Variants in TLL1 observed in about 807,000 individuals in gnomAD.
TLL1 encodes the protein tolloid like 1.
Under a neutral mutation model 128.2 loss-of-function variants are expected in TLL1, and 49 were observed. The observed-to-expected ratio is 0.38, with a 90% CI of 0.30 to 0.48. TLL1 has a LOEUF of 0.48. Among genes scored for constraint, TLL1 ranks in the 20% least tolerant of loss-of-function variants. TLL1 has a pLI of 0.96. For synonymous variants in TLL1, 454 were observed against 418.8 expected, an observed-to-expected ratio of 1.08 and a Z score of -1.03; for missense variants, 1,123 against 1,242.0, an observed-to-expected ratio of 0.90 and a Z score of 1.44.
chr4:165,873,817 A>G lies in TLL1; in HGVS notation c.-88A>G. ...GGAGCCTCCGGGTGGGGAGAAGAGC[A>G]CCGGTGCCCCTAGCCCCGCACATCA... is the stretch of plus-strand genomic sequence containing the variant. On this transcript the variant is annotated 5_prime_UTR_variant, in exon 1 of 21. Coordinates refer to ENST00000061240, the MANE Select transcript of TLL1 (RefSeq NM_012464.5). The G allele has an allele frequency of 6.7e-7, 1 of 1,498,458 alleles. No individual in the cohort carries two copies. The highest frequency in any genetic ancestry group is 1.7e-5 in the Admixed American group (1 of 58,388). 92.8% of individuals were successfully genotyped at this position (1,498,458 alleles called of 1,614,324 possible). A position where few individuals can be genotyped will look rare whatever the true frequency, so the allele number is the denominator to read the frequency against.
At chr4:166,031,787 T>C (rs931357172) in intron 9 of TLL1, among the ~76,000 whole-genome samples, 6 of 152,258 alleles carry the variant, frequency 3.9e-5, no homozygotes, top group African/African-American at 1.4e-4. Context: ...AAATACTGAA[T>C]GAATTAGAAT....
rs557198871 is a variant in TLL1, at chr4:166,013,325, A to T, written c.918-1111A>T. 1.6e-4 allele frequency among the ~76,000 whole-genome samples: 24 copies of T among 151,894 alleles called. No individual in the cohort carries two copies. The South Asian group carries it at 4.8e-3, about 30-fold the overall frequency. On this transcript the variant is annotated intron_variant, in intron 7 of 20. Transcript: ENST00000061240. ...GAATATTAGAATCATAAAGGAAGGAATTTCTGTTTGTTTTATTTACTGCTA... is the reference window on the plus strand; with the variant it reads ...GAATATTAGAATCATAAAGGAAGGATTTTCTGTTTGTTTTATTTACTGCTA...
chr4:166,059,465 A>G lies in TLL1; in HGVS notation c.1847-563A>G, dbSNP rs1400604334. Among the ~76,000 whole-genome samples, 4 of 152,158 alleles carry G rather than the reference A, an allele frequency of 2.6e-5. No homozygotes were observed. In the East Asian group the frequency reaches 7.7e-4, roughly 29 times the overall value. On this transcript the variant is annotated intron_variant, in intron 14 of 20. Transcript: ENST00000061240. ...CAGTATTTAAATTGGACTTTTTGGA[A>G]TAACAAATATGCTCTATTTACCATA...
intron 8 of TLL1, among the ~76,000 whole-genome samples, chr4:166,019,499 G>T (rs1438493363): frequency 1.3e-5 from 2 of 152,128 alleles, no homozygotes; most frequent in African/African-American, 4.8e-5. Context: ...TTTAATGCCA[G>T]CTTTTTTTTC....
At chr4:166,014,313 A>T in intron 7 of TLL1, 123 bp from the exon 8 acceptor site, 2 of 1,439,784 alleles carry the variant, frequency 1.4e-6, no homozygotes, top group Non-Finnish European at 1.9e-6. Flanking sequence ...ACACTGCTTA[A>T]AGCACACAAG....
chr4:165,889,102 A>G (rs1692115276), intron 1 of TLL1, among the ~76,000 whole-genome samples: 2 of 152,224 alleles, frequency 1.3e-5, no homozygotes, highest in Admixed American at 6.5e-5. Context: ...TTATGCAGGA[A>G]GCTCAGCGCC....
intron 1 of TLL1, among the ~76,000 whole-genome samples, chr4:165,931,955 G>A (rs1733547721): frequency 6.6e-6 from 1 of 152,160 alleles, no homozygotes; most frequent in African/African-American, 2.4e-5. Flanking sequence ...TCAGAATTTG[G>A]TTGTGAGTAG....
chr4:166,074,011 T>C (rs1421013647), intron 16 of TLL1, among the ~76,000 whole-genome samples: 1 of 152,078 alleles, frequency 6.6e-6, no homozygotes, highest in Admixed American at 6.6e-5. Flanking sequence ...TTGACGTTAA[T>C]GGACAGGCCA....
At chr4:165,992,311 A>C (rs938609263) in intron 2 of TLL1, among the ~76,000 whole-genome samples, 1 of 152,092 alleles carries the variant, frequency 6.6e-6, no homozygotes, top group Non-Finnish European at 1.5e-5. Context: ...TTAAAATGTG[A>C]TATGCTTTAA....
intron 18 of TLL1, among the ~76,000 whole-genome samples, chr4:166,080,477 G>A (rs771106307): frequency 3.3e-5 from 5 of 152,020 alleles, no homozygotes; most frequent in African/African-American, 9.7e-5. Flanking sequence ...TGTTAAATTC[G>A]TAGTTCCTTT....
chr4:166,058,814 C>T (rs185038225), intron 14 of TLL1, among the ~76,000 whole-genome samples: 33 of 152,232 alleles, frequency 2.2e-4, no homozygotes, highest in African/African-American at 7.7e-4. Flanking sequence ...CACCTGTTCT[C>T]TACTGTACCT....
intron 1 of TLL1, among the ~76,000 whole-genome samples, chr4:165,976,034 C>CAAAAA (rs1169297533): frequency 0.067 from 4,774 of 71,768 alleles, 713 homozygotes; most frequent in Non-Finnish European, 0.085. Context: ...GATTCCATCT[C>CAAAAA]AAAAAAAAAA....
chr4:166,044,161 T>C (rs547200197), intron 12 of TLL1, among the ~76,000 whole-genome samples: 1 of 152,004 alleles, frequency 6.6e-6, no homozygotes, highest in Non-Finnish European at 1.5e-5. Flanking sequence ...AGAAGAACAA[T>C]GAGATGCAGG....
chr4:165,946,499 AT>A (rs59178153), intron 1 of TLL1, among the ~76,000 whole-genome samples: 4,808 of 128,962 alleles, frequency 0.037, 156 homozygotes, highest in African/African-American at 0.11. Context: ...TACCCAGCTA[AT>A]TTTTTTTTTT....
chr4:166,035,062 C>T (rs190277444), intron 9 of TLL1, among the ~76,000 whole-genome samples: 1 of 152,300 alleles, frequency 6.6e-6, no homozygotes, highest in African/African-American at 2.4e-5. Context: ...CTTCTTAATA[C>T]TATCACTTTG....
chr4:165,946,487 C>T (rs529069369), intron 1 of TLL1, among the ~76,000 whole-genome samples: 2 of 150,742 alleles, frequency 1.3e-5, no homozygotes, highest in East Asian at 3.9e-4. Flanking sequence ...CACATGGCAG[C>T]ATACCCAGCT....
chr4:166,041,453 A>G (rs1018203010), intron 10 of TLL1, among the ~76,000 whole-genome samples: 2 of 151,976 alleles, frequency 1.3e-5, no homozygotes, highest in Admixed American at 1.3e-4. Flanking sequence ...GGCACGTGCC[A>G]CTACGCCCAG....
At chr4:165,923,724 T>C (rs1011973885) in intron 1 of TLL1, among the ~76,000 whole-genome samples, 3 of 152,126 alleles carry the variant, frequency 2.0e-5, no homozygotes, top group African/African-American at 7.2e-5. Context: ...CGTGAGCCAC[T>C]GCACCTGGCT....
intron 1 of TLL1, among the ~76,000 whole-genome samples, chr4:165,981,947 A>G (rs28571904): frequency 0.08 from 12,170 of 152,084 alleles, 1,600 homozygotes; most frequent in African/African-American, 0.27. Flanking sequence ...AGTGGTTAAG[A>G]TGGATCATCA....
Sources: allele counts gnomAD v4.1 joint callset (sites outside exome capture counted in the v4.1 genomes callset), GRCh38; gene constraint gnomAD v4.1.1; transcripts MANE v1.5; gene names NCBI Gene and HGNC (gene_info 2026-07-23, HGNC 2026-07-21).